LINGO2: variants seen among roughly 807,000 people sequenced by gnomAD.
LINGO2 encodes the protein leucine-rich repeat and immunoglobulin-like domain-containing nogo receptor-interacting protein 2.
In LINGO2, 14 loss-of-function variants were observed where a neutral mutation model predicts 30.6. The ratio of observed to expected loss-of-function variants is 0.46; its 90% CI spans 0.30 to 0.72. The LOEUF is 0.72. LINGO2 is among the 30% of genes least tolerant of loss of function. The probability of loss-of-function intolerance (pLI) is 0.07; values close to 1 mark genes in which losing one functional copy is unlikely to be tolerated. For synonymous variants in LINGO2, 317 were observed against 288.5 expected, an observed-to-expected ratio of 1.10 and a Z score of -1.00; for missense variants, 729 against 751.7, an observed-to-expected ratio of 0.97 and a Z score of 0.35.
chr9:28,224,264 C>T (rs1230148521), intron 4 of LINGO2, among the ~76,000 whole-genome samples: 5 of 152,152 alleles, frequency 3.3e-5, no homozygotes, highest in Admixed American at 1.3e-4. Context: ...CGGGGTTTCA[C>T]CGTGTTAGCC....
At chr9:28,458,481 T>G (rs937181977) in intron 2 of LINGO2, among the ~76,000 whole-genome samples, 1 of 152,210 alleles carries the variant, frequency 6.6e-6, no homozygotes, top group Non-Finnish European at 1.5e-5. Flanking sequence ...TCCTGCATTT[T>G]AGTTACATTA....
At chr9:28,946,122 TG>T in the LINGO2 span, among the ~76,000 whole-genome samples, 13 of 152,334 alleles carry the variant, frequency 8.5e-5, 1 homozygote, top group East Asian at 2.5e-3. Flanking sequence ...TTTACATATA[TG>T]CTTTGTAATC....
At chr9:29,034,687 T>A in the LINGO2 span, among the ~76,000 whole-genome samples, 3 of 151,506 alleles carry the variant, frequency 2.0e-5, no homozygotes, top group Admixed American at 1.3e-4. Context: ...AAATTAATCA[T>A]TATAATCATT....
chr9:29,211,579 T>TTCTC, the LINGO2 span, among the ~76,000 whole-genome samples: 7 of 150,986 alleles, frequency 4.6e-5, no homozygotes, highest in Non-Finnish European at 8.9e-5. Flanking sequence ...TTCTCTTCTC[T>TTCTC]TCTCTCTCTC....
chr9:28,197,131 A>G (rs10968382), intron 4 of LINGO2, among the ~76,000 whole-genome samples: 28,878 of 151,938 alleles, frequency 0.19, 2,897 homozygotes, highest in South Asian at 0.28. Flanking sequence ...TGATCATTAC[A>G]CCTTGCATAC....
At chr9:28,313,176 A>T (rs1216406172) in intron 3 of LINGO2, among the ~76,000 whole-genome samples, 1 of 152,216 alleles carries the variant, frequency 6.6e-6, no homozygotes, top group Non-Finnish European at 1.5e-5. Context: ...GAGAGAAGTT[A>T]TATCATTGGC....
At chr9:28,977,744 TA>T in the LINGO2 span, among the ~76,000 whole-genome samples, 3 of 152,166 alleles carry the variant, frequency 2.0e-5, no homozygotes, top group Non-Finnish European at 4.4e-5. Flanking sequence ...AGCCAGAAGG[TA>T]ATTGGGTCAA....
At chr9:29,112,106 T>G in the LINGO2 span, among the ~76,000 whole-genome samples, 1 of 151,832 alleles carries the variant, frequency 6.6e-6, no homozygotes, top group Admixed American at 6.6e-5. Context: ...TCTGAATTTA[T>G]TATCTTTTAA....
At chr9:28,918,969 A>G in the LINGO2 span, among the ~76,000 whole-genome samples, 1 of 152,216 alleles carries the variant, frequency 6.6e-6, no homozygotes, top group African/African-American at 2.4e-5. Flanking sequence ...ATTTAAAGTA[A>G]CAGGATGGGT....
the LINGO2 span, among the ~76,000 whole-genome samples, chr9:29,102,004 G>T: frequency 6.6e-6 from 1 of 151,632 alleles, no homozygotes. Flanking sequence ...CTTTATAAAA[G>T]TATTTAAGTC....
intron 4 of LINGO2, among the ~76,000 whole-genome samples, chr9:28,031,980 A>G (rs1032638014): frequency 6.8e-6 from 1 of 146,554 alleles, no homozygotes; most frequent in Non-Finnish European, 1.5e-5. Flanking sequence ...TTTGGAGATT[A>G]GGGCTCAGAG....
intron 3 of LINGO2, among the ~76,000 whole-genome samples, chr9:28,333,241 C>T (rs1200616145): frequency 6.6e-6 from 1 of 152,138 alleles, no homozygotes; most frequent in Non-Finnish European, 1.5e-5. Flanking sequence ...TTTGGGAACA[C>T]AGTTGATTAA....
the LINGO2 span, among the ~76,000 whole-genome samples, chr9:28,818,245 C>A: frequency 6.6e-6 from 1 of 152,272 alleles, no homozygotes; most frequent in East Asian, 1.9e-4. Flanking sequence ...GCACAGGTGA[C>A]CTGCTCTAAA....
chr9:29,118,838 C>A, the LINGO2 span, among the ~76,000 whole-genome samples: 1 of 152,150 alleles, frequency 6.6e-6, no homozygotes, highest in Non-Finnish European at 1.5e-5. Context: ...TATCCAGACT[C>A]TGAATCAGTC....
At position 28,543,032 on chromosome 9, in the gene LINGO2, T is replaced by C. The variant is rs928569628; in HGVS notation, c.-364-67007A>G. 3.3e-5 allele frequency among the ~76,000 whole-genome samples: 5 copies of C among 152,216 alleles called. No individual in the cohort carries two copies. The East Asian group carries it at 5.8e-4, about 18-fold the overall frequency. On this transcript the variant is annotated intron_variant, in intron 1 of 5. Coordinates refer to ENST00000379992, the Ensembl canonical transcript of LINGO2. ...CTTCAGTGACAAATATGGTAAAACATGTCCTTTGCCAAATGCACTAGACGA... is the reference window on the plus strand; with the variant it reads ...CTTCAGTGACAAATATGGTAAAACACGTCCTTTGCCAAATGCACTAGACGA...
At chr9:28,307,491 C>A (rs1824417362) in intron 3 of LINGO2, among the ~76,000 whole-genome samples, 3 of 152,160 alleles carry the variant, frequency 2.0e-5, no homozygotes, top group Admixed American at 2.0e-4. Flanking sequence ...TGGGCAAAAA[C>A]TGGAAGCATT....
chr9:28,037,576 TTTTAA>T lies in LINGO2; in HGVS notation c.-86-25176_-86-25172del, dbSNP rs137917280. On this transcript the variant is annotated intron_variant, in intron 4 of 5. Transcript: ENST00000379992. ...TTTATTCTTGCTGTTTCACACTGCA[TTTTAA>T]TTTGTTTGTTATGTAGTTATTTTAT... 7.2e-3 allele frequency among the ~76,000 whole-genome samples: 1,092 copies of T among 152,358 alleles called. 9 individuals are homozygous for T. Among genetic ancestry groups the T allele is most frequent in the African/African-American group, 0.024 (1,013 of 41,576 alleles).
intron 4 of LINGO2, among the ~76,000 whole-genome samples, chr9:28,294,627 G>C (rs1186661621): frequency 6.6e-6 from 1 of 152,110 alleles, no homozygotes; most frequent in East Asian, 1.9e-4. Context: ...GGAGATAAAA[G>C]AGTACTTGAA....
chr9:28,036,602 G>A (rs1158731664), intron 4 of LINGO2, among the ~76,000 whole-genome samples: 2 of 152,188 alleles, frequency 1.3e-5, no homozygotes, highest in East Asian at 1.9e-4. Context: ...GTTGCTTTGG[G>A]AAATATGCGA....
Sources: gnomAD v4.1 joint callset for allele counts (sites outside exome capture counted in the v4.1 genomes callset) on GRCh38, gnomAD v4.1.1 for gene constraint, MANE v1.5 for transcripts, NCBI Gene and HGNC (gene_info 2026-07-23, HGNC 2026-07-21) for gene names.